The following UGT2B7 variants were observed in gnomAD, a reference collection of about 807,000 sequenced individuals.
UGT2B7 encodes UDP glucuronosyltransferase family 2 member B7.
In UGT2B7, 51 loss-of-function variants were observed where a neutral mutation model predicts 51.9. The ratio of observed to expected loss-of-function variants is 0.98; its 90% confidence interval spans 0.78 to 1.24. The LOEUF (loss-of-function observed/expected upper bound fraction) is 1.24, where lower values mean the gene tolerates loss of function less well. Among genes scored for constraint, UGT2B7 ranks in the 50% most tolerant of loss-of-function variants. The pLI is 0.00. For missense variants in UGT2B7, 727 were observed against 628.4 expected (o/e 1.16, Z -1.68); for synonymous variants, 225 against 211.6 (o/e 1.06, Z -0.55).
chr4:69,087,396 T>A (rs1005806968), intron 1 of UGT2B7, among the ~76,000 whole-genome samples: 1 of 151,992 alleles, frequency 6.6e-6, no homozygotes, highest in Non-Finnish European at 1.5e-5. Context: ...TATTTCCATC[T>A]CTTAATTGTA....
At chr4:69,086,365 A>T (rs559254801) in intron 1 of UGT2B7, among the ~76,000 whole-genome samples, 1 of 151,938 alleles carries the variant, frequency 6.6e-6, no homozygotes, top group African/African-American at 2.4e-5. Flanking sequence ...TTTGATTTTA[A>T]AAAAATTTAA....
intron 5 of UGT2B7, 69 bp downstream of exon 5, chr4:69,108,391 G>A: frequency 1.3e-6 from 2 of 1,535,990 alleles, no homozygotes; most frequent in Non-Finnish European, 8.9e-7. Flanking sequence ...GTGAGTGTGA[G>A]TTTCATCCTT....
At position 69,053,963 on chromosome 4, in the gene UGT2B7, C is replaced by T. The variant is rs557473364; in HGVS notation, c.-159+2361C>T. Among the ~76,000 whole-genome samples, 34 of 152,214 alleles carry T rather than the reference C, an allele frequency of 2.2e-4. 1 individual carries two copies. Among genetic ancestry groups the T allele is most frequent in the African/African-American group, 7.9e-4 (33 of 41,548 alleles). On this transcript the variant is annotated intron_variant, in intron 1 of 5. Coordinates refer to the UGT2B7 transcript ENST00000502942. ...AAAGCGAGAGAAGCCCCTTATAGGT[C>T]TTCCAACTCTCATATCTATTTAGAT...
At chr4:69,073,230 C>A (rs569571787) in intron 1 of UGT2B7, among the ~76,000 whole-genome samples, 64 of 152,252 alleles carry the variant, frequency 4.2e-4, no homozygotes, top group Non-Finnish European at 7.1e-4. Context: ...TAGCCAGGTA[C>A]TTGATGCTTT....
intron 1 of UGT2B7, among the ~76,000 whole-genome samples, chr4:69,068,518 T>C (rs1718528761): frequency 6.6e-6 from 1 of 152,098 alleles, no homozygotes; most frequent in Non-Finnish European, 1.5e-5. Context: ...GTTATGCTAT[T>C]ACTATTATAT....
chr4:69,072,357 T>C (rs1256389335), intron 1 of UGT2B7, among the ~76,000 whole-genome samples: 2 of 152,170 alleles, frequency 1.3e-5, no homozygotes. Context: ...ATTTTGAATA[T>C]GCTGCTTAAA....
chr4:69,087,250 C>CA (rs549737774), intron 1 of UGT2B7, among the ~76,000 whole-genome samples: 83 of 151,918 alleles, frequency 5.5e-4, no homozygotes, highest in Non-Finnish European at 1.0e-3. Context: ...GAAAGATTTA[C>CA]AAAAATATTT....
At chr4:69,102,968 A>G in intron 3 of UGT2B7, 30 bp downstream of exon 3, 1 of 1,601,494 alleles carries the variant, frequency 6.2e-7, no homozygotes, top group Non-Finnish European at 8.5e-7. Flanking sequence ...TGGTGTGGAA[A>G]ACTACTGAAA....
intron 1 of UGT2B7, among the ~76,000 whole-genome samples, chr4:69,062,544 A>C (rs1718370951): frequency 6.6e-6 from 1 of 152,144 alleles, no homozygotes; most frequent in Non-Finnish European, 1.5e-5. Context: ...ACTGTTGTTA[A>C]AATTGCAGGT....
chr4:69,069,271 G>A lies in UGT2B7; in HGVS notation c.-159+17669G>A, dbSNP rs536608298. 9.9e-5 allele frequency among the ~76,000 whole-genome samples: 15 copies of A among 152,046 alleles called. No individual in the cohort carries two copies. The East Asian group carries it at 2.3e-3, about 24-fold the overall frequency. On this transcript the variant is annotated intron_variant, in intron 1 of 5. Transcript: ENST00000502942. Reference sequence around the variant, plus strand: ...ACATGTACCTGACCTTGTCAGATTTGTCTGCTATCTCTAGACTTTGATATT... The same window carrying A: ...ACATGTACCTGACCTTGTCAGATTTATCTGCTATCTCTAGACTTTGATATT...
intron 1 of UGT2B7, among the ~76,000 whole-genome samples, chr4:69,071,289 A>C (rs1718594399): frequency 6.6e-6 from 1 of 152,090 alleles, no homozygotes. Context: ...TATCTGGAAT[A>C]CTGAGGATAT....
At chr4:69,107,084 C>A in intron 3 of UGT2B7, 91 bp from the exon 4 acceptor site, 4 of 1,370,344 alleles carry the variant, frequency 2.9e-6, no homozygotes, top group South Asian at 1.3e-5. Flanking sequence ...ACTAACATCC[C>A]TTGATCTCAT....
chr4:69,064,099 A>AG (rs1491207479), intron 1 of UGT2B7, among the ~76,000 whole-genome samples: 1,357 of 112,120 alleles, frequency 0.012, 63 homozygotes, highest in East Asian at 0.018. Flanking sequence ...AAAGAAAGAG[A>AG]AAGAAAGAAA....
At chr4:69,059,555 G>C (rs956574106) in intron 1 of UGT2B7, among the ~76,000 whole-genome samples, 2 of 152,122 alleles carry the variant, frequency 1.3e-5, no homozygotes, top group Admixed American at 1.3e-4. Flanking sequence ...GAAATGCCTG[G>C]GTTGCTTACT....
intron 1 of UGT2B7, among the ~76,000 whole-genome samples, chr4:69,066,984 C>T (rs967291638): frequency 1.2e-4 from 18 of 152,078 alleles, no homozygotes; most frequent in African/African-American, 4.3e-4. Context: ...CATCACCACC[C>T]CACTCCCTGC....
chr4:69,073,175 G>C (rs1718635772), intron 1 of UGT2B7, among the ~76,000 whole-genome samples: 1 of 152,076 alleles, frequency 6.6e-6, no homozygotes, highest in Non-Finnish European at 1.5e-5. Flanking sequence ...AATACCCTTA[G>C]CCTATCACCA....
intron 1 of UGT2B7, among the ~76,000 whole-genome samples, chr4:69,060,342 T>C (rs144009563): frequency 6.6e-6 from 1 of 152,244 alleles, no homozygotes; most frequent in African/African-American, 2.4e-5. Context: ...AACCACCCGG[T>C]GACAAGAGAG....
chr4:69,052,762 G>A lies in UGT2B7; in HGVS notation c.-159+1160G>A, dbSNP rs112035404. On this transcript the variant is annotated intron_variant, in intron 1 of 5. Coordinates refer to the UGT2B7 transcript ENST00000502942. ...AAAGTTATAAAAATTTATGCAAAAAGGTTTTATAATTTAAAAGTAATTTGG... is the reference window on the plus strand; with the variant it reads ...AAAGTTATAAAAATTTATGCAAAAAAGTTTTATAATTTAAAAGTAATTTGG... Among the ~76,000 whole-genome samples the A allele has an allele frequency of 2.9e-3, 448 of 152,058 alleles. 1 individual carries two copies. The highest frequency in any genetic ancestry group is 0.01 in the African/African-American group (427 of 41,520).
At chr4:69,053,753 G>T (rs569944817) in intron 1 of UGT2B7, among the ~76,000 whole-genome samples, 13 of 152,088 alleles carry the variant, frequency 8.5e-5, no homozygotes, top group Non-Finnish European at 1.8e-4. Context: ...AAGAATTTTC[G>T]AAAGGTTATC....
Sources: allele counts gnomAD v4.1 joint callset (sites outside exome capture counted in the v4.1 genomes callset), GRCh38; gene constraint gnomAD v4.1.1; transcripts MANE v1.5; gene names NCBI Gene and HGNC (gene_info 2026-07-23, HGNC 2026-07-21).